RANBP17: variants seen among roughly 807,000 people sequenced by gnomAD.
RANBP17 encodes ran-binding protein 17.
Under a neutral mutation model 141.2 loss-of-function variants are expected in RANBP17, and 158 were observed. The ratio of observed to expected loss-of-function variants is 1.12; its 90% CI spans 0.98 to 1.28. The LOEUF (loss-of-function observed/expected upper bound fraction) is 1.28. RANBP17 is among the 50% of genes most tolerant of loss of function. The pLI is 0.00. For synonymous variants in RANBP17, 430 were observed against 450.0 expected (o/e 0.96, Z 0.56); for missense variants, 1,438 against 1,290.7 (o/e 1.11, Z -1.75).
intron 18 of RANBP17, among the ~76,000 whole-genome samples, chr5:171,192,536 A>G (rs1169843649): frequency 1.3e-5 from 2 of 152,192 alleles, no homozygotes; most frequent in African/African-American, 4.8e-5. Flanking sequence ...AGAAGAATTA[A>G]AGGGCACCTC....
chr5:171,025,840 G>A (rs796347712), intron 14 of RANBP17, among the ~76,000 whole-genome samples: 8 of 151,940 alleles, frequency 5.3e-5, no homozygotes, highest in African/African-American at 1.2e-4. Flanking sequence ...CTCCTGCCTC[G>A]GTCTCCCAAT....
intron 21 of RANBP17, among the ~76,000 whole-genome samples, chr5:171,219,991 T>C (rs892995954): frequency 3.3e-5 from 5 of 152,142 alleles, no homozygotes; most frequent in Non-Finnish European, 7.3e-5. Flanking sequence ...TTTGGAATTT[T>C]CAGTGTTTTT....
At chr5:171,047,014 C>CGTTTTTT (rs372938999) in intron 14 of RANBP17, among the ~76,000 whole-genome samples, 1 of 97,762 alleles carries the variant, frequency 1.0e-5, no homozygotes, top group Non-Finnish European at 1.9e-5. Flanking sequence ...TTTATTTTGC[C>CGTTTTTT]TTTTTTTTTT....
chr5:170,880,242 G>T (rs79779673), intron 2 of RANBP17, among the ~76,000 whole-genome samples: 4,085 of 152,204 alleles, frequency 0.027, 171 homozygotes, highest in African/African-American at 0.093. Flanking sequence ...GTAAGTATTG[G>T]TAACATTAAT....
intron 14 of RANBP17, among the ~76,000 whole-genome samples, chr5:171,079,323 G>A (rs1262017067): frequency 6.6e-6 from 1 of 152,194 alleles, no homozygotes; most frequent in Non-Finnish European, 1.5e-5. Flanking sequence ...ATCTTGAGAT[G>A]GAATCTACTT....
At chr5:171,077,553 T>C (rs1347471453) in intron 14 of RANBP17, among the ~76,000 whole-genome samples, 1 of 152,148 alleles carries the variant, frequency 6.6e-6, no homozygotes, top group Non-Finnish European at 1.5e-5. Flanking sequence ...AGAGACAACA[T>C]GAACATGCAT....
chr5:171,125,591 T>C (rs1406471851), intron 14 of RANBP17, among the ~76,000 whole-genome samples: 1 of 152,206 alleles, frequency 6.6e-6, no homozygotes, highest in Non-Finnish European at 1.5e-5. Context: ...AACGCTGTGC[T>C]TTCAGCATTC....
intron 12 of RANBP17, among the ~76,000 whole-genome samples, chr5:170,932,914 T>C (rs1160279842): frequency 6.6e-6 from 1 of 152,208 alleles, no homozygotes; most frequent in African/African-American, 2.4e-5. Context: ...ATCAGGATGA[T>C]GTTGGCCTCA....
intron 14 of RANBP17, among the ~76,000 whole-genome samples, chr5:171,023,212 T>G (rs896233625): frequency 6.6e-6 from 1 of 152,248 alleles, no homozygotes; most frequent in African/African-American, 2.4e-5. Flanking sequence ...GTTCTGTTTC[T>G]AGTCGGCCAT....
intron 24 of RANBP17, among the ~76,000 whole-genome samples, chr5:171,258,441 A>G (rs1443262444): frequency 1.3e-5 from 2 of 152,218 alleles, no homozygotes; most frequent in Non-Finnish European, 2.9e-5. Flanking sequence ...TTGACCAACC[A>G]GAACTCAGCT....
At chr5:171,219,896 A>G (rs777145001) in intron 21 of RANBP17, among the ~76,000 whole-genome samples, 10 of 151,982 alleles carry the variant, frequency 6.6e-5, no homozygotes, top group Non-Finnish European at 1.3e-4. Flanking sequence ...ACTTCTGTCA[A>G]TTCATCAAAC....
At chr5:170,945,490 A>G (rs979713141) in intron 12 of RANBP17, among the ~76,000 whole-genome samples, 3 of 152,168 alleles carry the variant, frequency 2.0e-5, no homozygotes, top group African/African-American at 7.2e-5. Context: ...TCACAACTCT[A>G]TGGGCCAGGT....
intron 14 of RANBP17, among the ~76,000 whole-genome samples, chr5:171,101,900 T>G (rs187091029): frequency 2.0e-4 from 31 of 152,316 alleles, no homozygotes; most frequent in Middle Eastern, 3.4e-3. Flanking sequence ...ATTCTTTTCT[T>G]GAAGAATGTT....
chr5:171,227,742 T>C (rs577133001), intron 22 of RANBP17, among the ~76,000 whole-genome samples: 43 of 152,000 alleles, frequency 2.8e-4, no homozygotes, highest in African/African-American at 1.0e-3. Flanking sequence ...TTGTTAGGGG[T>C]TAATGCTGAC....
intron 1 of RANBP17, among the ~76,000 whole-genome samples, chr5:170,877,058 G>A (rs1768239294): frequency 6.6e-6 from 1 of 152,038 alleles, no homozygotes; most frequent in Admixed American, 6.6e-5. Context: ...TGGTTTCCAT[G>A]TGTCCCAGAT....
intron 14 of RANBP17, among the ~76,000 whole-genome samples, chr5:170,998,331 T>C (rs1364637549): frequency 1.3e-5 from 2 of 152,184 alleles, no homozygotes; most frequent in African/African-American, 2.4e-5. Context: ...TTAGGAACAC[T>C]CAGGTCACTT....
In RANBP17 at chr5:170,947,771, G is replaced by A. The variant is rs527753036; in HGVS notation, c.1469-5826G>A. Among the ~76,000 whole-genome samples the A allele has an allele frequency of 7.8e-4, 119 of 152,066 alleles. 1 individual carries two copies. Among genetic ancestry groups the A allele is most frequent in the African/African-American group, 2.8e-3 (116 of 41,480 alleles). On this transcript the variant is annotated intron_variant, in intron 12 of 27. Coordinates refer to ENST00000523189, the MANE Select transcript of RANBP17 (RefSeq NM_022897.5). ...TTCAATCTCTCCAGATGGCTAGTTC[G>A]GGCCTCCTAATAGTATAATGGTCTC...
chr5:171,050,487 A>G (rs576871575), intron 14 of RANBP17, among the ~76,000 whole-genome samples: 21 of 152,152 alleles, frequency 1.4e-4, no homozygotes, highest in Non-Finnish European at 2.8e-4. Flanking sequence ...TTTGGAGACC[A>G]GTGCGGGCAG....
At chr5:171,124,036 A>T (rs984653310) in intron 14 of RANBP17, among the ~76,000 whole-genome samples, 2 of 152,340 alleles carry the variant, frequency 1.3e-5, no homozygotes, top group East Asian at 3.9e-4. Context: ...CCCCAAAAAA[A>T]GAAAATCTGT....
Sources: allele counts gnomAD v4.1 joint callset (sites outside exome capture counted in the v4.1 genomes callset), GRCh38; gene constraint gnomAD v4.1.1; transcripts MANE v1.5; gene names NCBI Gene and HGNC (gene_info 2026-07-23, HGNC 2026-07-21).